The following P4HB variants were observed in gnomAD, a reference collection of about 807,000 sequenced individuals.
P4HB encodes prolyl 4-hydroxylase subunit beta, also known as protein disulfide-isomerase.
In P4HB, 20 loss-of-function variants were observed where a neutral mutation model predicts 52.6. The observed-to-expected ratio is 0.38, with a 90% CI of 0.27 to 0.55. The LOEUF (loss-of-function observed/expected upper bound fraction) is 0.55. P4HB is among the 20% of genes least tolerant of loss of function. The pLI is 0.74. For missense variants in P4HB, 601 were observed against 669.2 expected (o/e 0.90, Z 1.12); for synonymous variants, 296 against 277.9 (o/e 1.07, Z -0.65).
At position 81,845,943 on chromosome 17, in the gene P4HB, C is replaced by G; in HGVS notation, c.1105G>C (p.Val369Leu). ...ELPEDWDKQP[V>L]KVLVGKNFED... ...AAGTTCTTCCCAACAAGCACCTTGA[C>G]AGGCTGCTTGTCCCAGTCCTCCGGC... Residue 369 changes from valine to leucine, a missense_variant, in exon 8 of 11, where the codon GTC becomes CTC. Coordinates refer to ENST00000331483, the MANE Select transcript of P4HB (RefSeq NM_000918.4). 6.2e-7 allele frequency: 1 copy of G among 1,613,334 alleles called. No individual in the cohort carries two copies. The highest frequency in any genetic ancestry group is 8.5e-7 in the Non-Finnish European group (1 of 1,179,740).
chr17:81,844,566 G>C (rs570436122), intron 10 of P4HB, among the ~76,000 whole-genome samples: 55 of 152,260 alleles, frequency 3.6e-4, no homozygotes, highest in African/African-American at 1.3e-3. Flanking sequence ...TCCATCCCCA[G>C]CCTGGGCAGA....
At chr17:81,854,743 G>A (rs750719063) in intron 4 of P4HB, among the ~76,000 whole-genome samples, 35 of 151,736 alleles carry the variant, frequency 2.3e-4, no homozygotes, top group African/African-American at 7.8e-4. Context: ...TCGGGAGGCC[G>A]AGGCAGGAGA....
intron 4 of P4HB, among the ~76,000 whole-genome samples, chr17:81,851,929 C>T (rs1302306170): frequency 6.6e-6 from 1 of 152,186 alleles, no homozygotes; most frequent in East Asian, 1.9e-4. Context: ...ACGCCTGTAA[C>T]CCCAATGTTT....
chr17:81,844,019 TCA>T lies in P4HB; in HGVS notation c.1518_1519del (p.Asp506GlufsTer34). On this transcript the variant is annotated frameshift_variant, in exon 11 of 11. Transcript: ENST00000331483. LOFTEE classifies it high-confidence loss of function. ...CGGGTCTGGCTTTGCGTATTACAGTTCATCTTTCACAGCTTTCTGATCATCGT... is the reference window on the plus strand; with the variant it reads ...CGGGTCTGGCTTTGCGTATTACAGTTTCTTTCACAGCTTTCTGATCATCGT... The T allele has an allele frequency of 6.2e-7, 1 of 1,612,802 alleles. No individual in the cohort carries two copies. Among genetic ancestry groups the T allele is most frequent in the Non-Finnish European group, 8.5e-7 (1 of 1,178,838 alleles).
chr17:81,848,059 C>T (rs754549672), intron 4 of P4HB, among the ~76,000 whole-genome samples: 6 of 152,142 alleles, frequency 3.9e-5, no homozygotes, highest in Non-Finnish European at 7.4e-5. Flanking sequence ...CGCCCGCCAC[C>T]ACCGGCTAAT....
intron 2 of P4HB, among the ~76,000 whole-genome samples, chr17:81,857,876 G>A (rs900567632): frequency 6.6e-6 from 1 of 152,160 alleles, no homozygotes; most frequent in Admixed American, 6.5e-5. Flanking sequence ...TAACAAGACG[G>A]TCACCAGTGA....
chr17:81,848,581 C>T (rs897581386), intron 4 of P4HB, among the ~76,000 whole-genome samples: 1 of 151,548 alleles, frequency 6.6e-6, no homozygotes, highest in African/African-American at 2.4e-5. Flanking sequence ...ACTAAAAATA[C>T]AAAAATAAGC....
intron 2 of P4HB, among the ~76,000 whole-genome samples, chr17:81,858,230 C>T (rs1209451181): frequency 8.4e-6 from 1 of 119,592 alleles, no homozygotes; most frequent in South Asian, 2.5e-4. Flanking sequence ...AGAGATCGCA[C>T]CACTGCACGA....
intron 2 of P4HB, chr17:81,856,133 T>G (rs1301009574): frequency 6.6e-6 from 1 of 152,638 alleles, no homozygotes; most frequent in Non-Finnish European, 1.5e-5. Flanking sequence ...CTTCCCAAAG[T>G]GCTGGGATTA....
chr17:81,848,500 C>T (rs1279873674), intron 4 of P4HB, among the ~76,000 whole-genome samples: 1 of 152,122 alleles, frequency 6.6e-6, no homozygotes, highest in African/African-American at 2.4e-5. Context: ...CTTTGGGAGG[C>T]CAAGATGGGT....
rs1368793304 is a variant in P4HB at position 81,846,063 on chromosome 17, T to C, written c.1057-72A>G. ...CCACAGAGCTCCCCAACCCTCACCCTGCCCGGGACTGAGGTGCGTGGCTGC... is the reference window on the plus strand; with the variant it reads ...CCACAGAGCTCCCCAACCCTCACCCCGCCCGGGACTGAGGTGCGTGGCTGC... On this transcript the variant is annotated intron_variant, in intron 7 of 10. Coordinates refer to ENST00000331483, the MANE Select transcript of P4HB (RefSeq NM_000918.4). This position sits in a 1 kb window ranked among gnomAD's most constrained non-coding sequence, Gnocchi z 5.7. The C allele has an allele frequency of 1.3e-6, 2 of 1,481,616 alleles. No individual in the cohort carries two copies. Among genetic ancestry groups the C allele is most frequent in the Non-Finnish European group, 1.8e-6 (2 of 1,115,452 alleles). 91.8% of individuals were successfully genotyped at this position (1,481,616 alleles called of 1,614,324 possible). A position where few individuals can be genotyped will look rare whatever the true frequency, so the allele number is the denominator to read the frequency against.
intron 4 of P4HB, among the ~76,000 whole-genome samples, chr17:81,853,329 T>C (rs923870758): frequency 3.9e-5 from 6 of 152,022 alleles, no homozygotes; most frequent in African/African-American, 1.2e-4. Context: ...TCCCAGCACT[T>C]TGGGAGGCCA....
At chr17:81,859,550 T>C (rs1388058675) in intron 1 of P4HB, 163 bp from the exon 2 acceptor site, 1 of 639,938 alleles carries the variant, frequency 1.6e-6, no homozygotes, top group South Asian at 1.9e-5. Context: ...GATAGCCTGG[T>C]GTTCTTGGGC....
At chr17:81,849,143 T>C (rs1460989538) in intron 4 of P4HB, among the ~76,000 whole-genome samples, 2 of 151,510 alleles carry the variant, frequency 1.3e-5, no homozygotes, top group African/African-American at 4.9e-5. Context: ...GGAGGATTGC[T>C]TGAGTCTGGG....
chr17:81,844,049 T>G lies in P4HB; in HGVS notation c.1490A>C (p.Glu497Ala). 6.2e-7 allele frequency: 1 copy of G among 1,613,860 alleles called. No individual in the cohort carries two copies. Among genetic ancestry groups the G allele is most frequent in the Non-Finnish European group, 8.5e-7 (1 of 1,179,776 alleles). The part of the protein sequence containing the change: ...LEEAEEPDME[E>A]DDDQKAVKDE... ...TTTCACAGCTTTCTGATCATCGTCT[T>G]CCTCCATGTCTGGCTCCTCTGCTTC... The change falls in exon 11 of 11, where the codon GAA (glutamate) becomes GCA (alanine). Residue 497 changes from glutamate (E) to alanine (A), a missense_variant. Glu to Ala is a moderately radical substitution (Grantham distance 107). Coordinates refer to ENST00000331483, the MANE Select transcript of P4HB (RefSeq NM_000918.4).
intron 10 of P4HB, 107 bp from the exon 11 acceptor site, chr17:81,844,199 G>A (rs908173936): frequency 1.7e-4 from 139 of 833,802 alleles, no homozygotes; most frequent in East Asian, 3.4e-4. Context: ...CGGCCACGGC[G>A]GACATGGCCA....
At position 81,860,384 on chromosome 17, in the gene P4HB, G is replaced by C. The variant is rs11558886; in HGVS notation, c.88C>G (p.Arg30Gly). 6.8e-7 allele frequency: 1 copy of C among 1,470,774 alleles called. No homozygotes were observed. Among genetic ancestry groups the C allele is most frequent in the African/African-American group, 1.5e-5 (1 of 68,144 alleles). 91.1% of individuals were successfully genotyped at this position (1,470,774 alleles called of 1,614,324 possible). A position where few individuals can be genotyped will look rare whatever the true frequency, so the allele number is the denominator to read the frequency against. Reference sequence around the variant, plus strand: ...AGCGCCTCCGCGAAGTTGCTTTTCCGCAGCACCAGGACGTGGTCCTCCTCC... The same window carrying C: ...AGCGCCTCCGCGAAGTTGCTTTTCCCCAGCACCAGGACGTGGTCCTCCTCC... ...PEEEDHVLVL[R>G]KSNFAEALAA... is the part of the protein sequence containing the mutation. The change falls in exon 1 of 11, where the codon CGG becomes GGG. Residue 30 changes from arginine (R) to glycine (G), a missense_variant. Physicochemically the swap from Arg to Gly is moderately radical, Grantham distance 125 (BLOSUM62 -2). Transcript: ENST00000331483.
chr17:81,848,195 C>T (rs561874153), intron 4 of P4HB, among the ~76,000 whole-genome samples: 1 of 152,200 alleles, frequency 6.6e-6, no homozygotes, highest in Non-Finnish European at 1.5e-5. Context: ...CCACCGCGCC[C>T]GGCTGGTCAA....
chr17:81,859,330 C>A lies in P4HB; in HGVS notation c.203G>T (p.Gly68Val). 6.2e-7 allele frequency: 1 copy of A among 1,613,940 alleles called. No individual in the cohort carries two copies. The highest frequency in any genetic ancestry group is 8.5e-7 in the Non-Finnish European group (1 of 1,180,020). Residue 68 changes from glycine to valine, a missense_variant, in exon 2 of 11, where the codon GGG becomes GTG. Coordinates refer to ENST00000331483, the MANE Select transcript of P4HB (RefSeq NM_000918.4). ...ALAPEYAKAA[G>V]KLKAEGSEIR... ...CTCGGAACCTTCTGCCTTCAGCTTC[C>A]CAGCGGCTTTGGCATACTCAGGGGC...
Sources: gnomAD v4.1 joint callset for allele counts (sites outside exome capture counted in the v4.1 genomes callset) on GRCh38, gnomAD v4.1.1 for gene constraint, Gnocchi (gnomAD v3.1) non-coding constraint, MANE v1.5 for transcripts, NCBI Gene and HGNC (gene_info 2026-07-23, HGNC 2026-07-21) for gene names.